MRRF: variants seen among roughly 807,000 people sequenced by gnomAD.
The protein encoded by MRRF is mitochondrial ribosome recycling factor, also known as ribosome-recycling factor, mitochondrial.
MRRF carries 18 observed loss-of-function variants against 25.1 expected under a neutral mutation model. The ratio of observed to expected loss-of-function variants is 0.72; its 90% CI spans 0.50 to 1.06. MRRF has a LOEUF of 1.06. Ranked by LOEUF, MRRF falls within the 50% of genes least tolerant of loss-of-function variation. The probability of loss-of-function intolerance (pLI) is 0.00; values close to 1 mark genes in which losing one functional copy is unlikely to be tolerated. For missense variants in MRRF, 323 were observed against 319.3 expected (o/e 1.01, Z -0.09); for synonymous variants, 113 against 112.1 (o/e 1.01, Z -0.05).
At chr9:122,318,944 T>G (rs1386117879) in intron 6 of MRRF, among the ~76,000 whole-genome samples, 1 of 152,124 alleles carries the variant, frequency 6.6e-6, no homozygotes, top group East Asian at 1.9e-4. Flanking sequence ...GCCCTGTTTC[T>G]TTATCCTCTT....
At chr9:122,313,110 C>A in intron 5 of MRRF, 117 bp from the exon 6 acceptor site, 1 of 1,083,452 alleles carries the variant, frequency 9.2e-7, no homozygotes, top group Non-Finnish European at 1.4e-6. Flanking sequence ...TCCAGGAGTT[C>A]AGCCCACAGA....
intron 5 of MRRF, among the ~76,000 whole-genome samples, chr9:122,309,928 C>T (rs1328748018): frequency 6.6e-6 from 1 of 152,210 alleles, no homozygotes; most frequent in Non-Finnish European, 1.5e-5. Flanking sequence ...TAGATCTTTG[C>T]TCTGTCATTC....
At chr9:122,315,090 G>T (rs965473717) in intron 6 of MRRF, among the ~76,000 whole-genome samples, 1 of 152,084 alleles carries the variant, frequency 6.6e-6, no homozygotes, top group African/African-American at 2.4e-5. Flanking sequence ...TCACCTGGGG[G>T]GGGGAATTTT....
chr9:122,265,907 A>G, intron 1 of MRRF: 1 of 471,600 alleles, frequency 2.1e-6, no homozygotes. Context: ...CAGATACTAC[A>G]AGTACCTTTC....
chr9:122,305,988 G>GT (rs1466931410), intron 5 of MRRF, among the ~76,000 whole-genome samples: 6 of 152,168 alleles, frequency 3.9e-5, no homozygotes, highest in Admixed American at 3.9e-4. Context: ...AGATCAGTAT[G>GT]TTATCTCTAT....
Position 122,291,913 on chromosome 9 carries a change from C to T in MRRF, c.551+73C>T, listed in dbSNP as rs77219720. The T allele has an allele frequency of 1.7e-4, 173 of 1,012,484 alleles. No homozygotes were observed. The East Asian group carries it at 3.8e-3, about 22-fold the overall frequency. 62.7% of individuals were successfully genotyped at this position (1,012,484 alleles called of 1,614,324 possible). On this transcript the variant is annotated intron_variant, in intron 5 of 6. Coordinates refer to ENST00000344641, the MANE Select transcript of MRRF (RefSeq NM_138777.5). ...CCTTGGAAGGAAACCAACAAATACCCTACTATACCGTTAGGCCAATAACAT... is the reference window on the plus strand; with the variant it reads ...CCTTGGAAGGAAACCAACAAATACCTTACTATACCGTTAGGCCAATAACAT...
intron 5 of MRRF, among the ~76,000 whole-genome samples, chr9:122,306,124 C>G (rs941281952): frequency 3.3e-5 from 5 of 152,180 alleles, no homozygotes; most frequent in Non-Finnish European, 5.9e-5. Flanking sequence ...ATGCTGTGTT[C>G]TCCCCCAGTA....
chr9:122,300,595 T>A (rs979134859), intron 5 of MRRF, among the ~76,000 whole-genome samples: 7 of 152,234 alleles, frequency 4.6e-5, no homozygotes, highest in African/African-American at 1.7e-4. Flanking sequence ...TCCTGATTAT[T>A]TGGGAGTAAA....
intron 3 of MRRF, among the ~76,000 whole-genome samples, chr9:122,283,454 G>A (rs750458107): frequency 3.6e-4 from 52 of 143,452 alleles, no homozygotes; most frequent in Non-Finnish European, 6.2e-4. Flanking sequence ...GAAGGCTGAA[G>A]GGGGTCTACC....
At position 122,270,917 on chromosome 9, in the gene MRRF, G is replaced by T. The variant is rs368083790; in HGVS notation, c.26G>T (p.Arg9Leu). 9.9e-6 allele frequency: 16 copies of T among 1,613,952 alleles called. No homozygotes were observed. Among genetic ancestry groups the T allele is most frequent in the African/African-American group, 1.3e-5 (1 of 74,876 alleles). Residue 9 changes from arginine to leucine, a missense_variant, in exon 2 of 7, where the codon CGC (arginine) becomes CTC (leucine). Coordinates refer to ENST00000344641, the MANE Select transcript of MRRF (RefSeq NM_138777.5). The part of the protein sequence containing the change: MALGLKCF[R>L]MVHPTFRNYL... ...ATGGCCTTGGGATTAAAGTGCTTCC[G>T]CATGGTCCACCCTACCTTTCGCAAT...
chr9:122,293,310 A>C (rs1833890370), intron 5 of MRRF, among the ~76,000 whole-genome samples: 1 of 152,182 alleles, frequency 6.6e-6, no homozygotes, highest in South Asian at 2.1e-4. Context: ...CATTTGTCTA[A>C]TCCCTGTAAA....
chr9:122,298,841 C>T (rs985760544), intron 5 of MRRF, among the ~76,000 whole-genome samples: 43 of 151,930 alleles, frequency 2.8e-4, no homozygotes, highest in African/African-American at 8.7e-4. Flanking sequence ...AAAAATAAGG[C>T]AGTAAAAGGA....
intron 5 of MRRF, among the ~76,000 whole-genome samples, 160 bp downstream of exon 5, chr9:122,292,000 T>C (rs1833804004): frequency 6.6e-6 from 1 of 152,234 alleles, no homozygotes; most frequent in Admixed American, 6.5e-5. Context: ...GATTCAGAAA[T>C]ACTTATTGAG....
intron 6 of MRRF, among the ~76,000 whole-genome samples, chr9:122,320,201 C>T (rs986942290): frequency 9.9e-5 from 15 of 151,974 alleles, no homozygotes; most frequent in Non-Finnish European, 8.8e-5. Flanking sequence ...GGAAAGAAGT[C>T]AGGAAGTGAT....
chr9:122,289,685 TA>T (rs2118782818), intron 4 of MRRF, among the ~76,000 whole-genome samples: 1 of 152,140 alleles, frequency 6.6e-6, no homozygotes, highest in East Asian at 1.9e-4. Context: ...ACCTTGAGTA[TA>T]ACCTTTATAC....
At chr9:122,266,326 GT>G (rs1460384394) in intron 1 of MRRF, among the ~76,000 whole-genome samples, 2 of 152,246 alleles carry the variant, frequency 1.3e-5, no homozygotes, top group Admixed American at 6.5e-5. Context: ...ACTTGACCTA[GT>G]TGGGCTGTAG....
chr9:122,292,246 T>C (rs1045222430), intron 5 of MRRF, among the ~76,000 whole-genome samples: 2 of 152,164 alleles, frequency 1.3e-5, no homozygotes, highest in Non-Finnish European at 2.9e-5. Context: ...ACATTTTTGC[T>C]AAGAGCTAAA....
At chr9:122,306,096 C>T (rs1834825762) in intron 5 of MRRF, among the ~76,000 whole-genome samples, 1 of 152,306 alleles carries the variant, frequency 6.6e-6, no homozygotes, top group South Asian at 2.1e-4. Context: ...TTCTCCAGAG[C>T]CTGGGCTTGT....
chr9:122,305,737 G>A (rs528296419), intron 5 of MRRF, among the ~76,000 whole-genome samples: 1 of 152,238 alleles, frequency 6.6e-6, no homozygotes, highest in African/African-American at 2.4e-5. Context: ...CATACACTTT[G>A]TGTCACTTTA....
Sources: gnomAD v4.1 joint callset for allele counts (sites outside exome capture counted in the v4.1 genomes callset) on GRCh38, gnomAD v4.1.1 for gene constraint, MANE v1.5 for transcripts, NCBI Gene and HGNC (gene_info 2026-07-23, HGNC 2026-07-21) for gene names.